The following TCF7 variants were observed in gnomAD, a reference collection of about 807,000 sequenced individuals.
The protein encoded by TCF7 is T-cell-factor-7.
Under a neutral mutation model 46.8 loss-of-function variants are expected in TCF7, and 19 were observed. The observed-to-expected ratio is 0.41, with a 90% confidence interval of 0.28 to 0.60. The LOEUF (loss-of-function observed/expected upper bound fraction) is 0.60, where lower values mean the gene tolerates loss of function less well. Among genes scored for constraint, TCF7 ranks in the 20% least tolerant of loss-of-function variants. The pLI, the probability that TCF7 is intolerant of heterozygous loss-of-function variation, is 0.35. For missense variants in TCF7, 547 were observed against 504.6 expected (o/e 1.08, Z -0.81); for synonymous variants, 245 against 213.4 (o/e 1.15, Z -1.29).
chr5:134,120,382 A>T (rs893908640), intron 3 of TCF7, among the ~76,000 whole-genome samples: 1 of 152,108 alleles, frequency 6.6e-6, no homozygotes, highest in African/African-American at 2.4e-5. Context: ...CTCTCACCTG[A>T]TGAGACCCCG....
intron 3 of TCF7, among the ~76,000 whole-genome samples, chr5:134,116,785 G>A (rs1471782139): frequency 5.3e-5 from 8 of 152,282 alleles, no homozygotes; most frequent in African/African-American, 1.9e-4. Flanking sequence ...CCTATTCTGA[G>A]TGTTTTGGAG....
chr5:134,144,950 C>A, intron 9 of TCF7: 1 of 1,302,806 alleles, frequency 7.7e-7, no homozygotes, highest in Non-Finnish European at 1.1e-6. Context: ...GGCCTGCAGC[C>A]CACTCCTTTG....
chr5:134,140,817 C>A (rs559653800), intron 5 of TCF7: 3 of 455,762 alleles, frequency 6.6e-6, no homozygotes, highest in Middle Eastern at 3.3e-4. Flanking sequence ...CTCTCTACCC[C>A]CTGTCCCCTT....
chr5:134,127,897 C>T (rs1287208708), intron 3 of TCF7, among the ~76,000 whole-genome samples: 1 of 152,204 alleles, frequency 6.6e-6, no homozygotes, highest in Admixed American at 6.5e-5. Context: ...TGATTTTTCT[C>T]CTTTTGTTTC....
intron 9 of TCF7, chr5:134,144,673 T>TG: frequency 1.4e-6 from 1 of 716,956 alleles, no homozygotes; most frequent in Non-Finnish European, 2.5e-6. Context: ...ACTCTGCCTA[T>TG]GGGGGCTGTA....
At chr5:134,117,386 C>T (rs1027582918) in intron 3 of TCF7, among the ~76,000 whole-genome samples, 1 of 152,162 alleles carries the variant, frequency 6.6e-6, no homozygotes, top group East Asian at 1.9e-4. Context: ...GTAAATAAAC[C>T]CTTAGATTTG....
At chr5:134,145,664 C>G in intron 9 of TCF7, 16 of 1,476,728 alleles carry the variant, frequency 1.1e-5, no homozygotes, top group Non-Finnish European at 1.5e-5. Flanking sequence ...TGGGGTGTGT[C>G]TGTGTATCCA....
chr5:134,145,109 A>G, intron 9 of TCF7: 1 of 643,342 alleles, frequency 1.6e-6, no homozygotes, highest in Non-Finnish European at 2.9e-6. Flanking sequence ...CCAGAAAGGA[A>G]GGACAGACTC....
At chr5:134,143,803 C>T in intron 9 of TCF7, 163 bp downstream of exon 9, 1 of 718,472 alleles carries the variant, frequency 1.4e-6, no homozygotes, top group Non-Finnish European at 2.3e-6. Context: ...AATTCCCATG[C>T]AAGAAACAGC....
chr5:134,142,407 G>C lies in TCF7; in HGVS notation c.755+103G>C, dbSNP rs552144797. 10 of 1,341,576 alleles carry C rather than the reference G, an allele frequency of 7.5e-6. No individual in the cohort carries two copies. The African/African-American group carries it at 1.3e-4, about 18-fold the overall frequency. 83.1% of individuals were successfully genotyped at this position (1,341,576 alleles called of 1,614,324 possible). ...ACGAGGTCCCTGCCTAAGCTGTTTC[G>C]TGCCTCTGGCTATGTTTTTGATCCT... On this transcript the variant is annotated intron_variant, in intron 6 of 9. Transcript: ENST00000342854.
In TCF7 at chr5:134,115,351, C is replaced by T. The variant is rs1755654246; in HGVS notation, c.280C>T (p.Leu94Phe). 1.9e-6 allele frequency: 3 copies of T among 1,601,926 alleles called. No homozygotes were observed. The highest frequency in any genetic ancestry group is 1.3e-5 in the African/African-American group (1 of 74,662). ...ALGREHAAQR[L>F]FPDKLPEPLE... ...CGGGCGGGAACACGCTGCGCAGAGA[C>T]TCTTCCCGGACAAACTTCCAGAGCC... is the stretch of plus-strand genomic sequence containing the variant. The change falls in exon 2 of 10, where the codon CTC (leucine) becomes TTC (phenylalanine). Residue 94 changes from leucine to phenylalanine, a missense_variant. Coordinates refer to ENST00000342854, the MANE Select transcript of TCF7 (RefSeq NM_003202.5).
intron 3 of TCF7, among the ~76,000 whole-genome samples, chr5:134,130,445 G>A (rs1472844608): frequency 6.6e-6 from 1 of 152,282 alleles, no homozygotes; most frequent in Non-Finnish European, 1.5e-5. Flanking sequence ...CGGAGGGGCT[G>A]TGCCAGGGGA....
At chr5:134,125,984 C>T (rs1757295747) in intron 3 of TCF7, among the ~76,000 whole-genome samples, 1 of 152,242 alleles carries the variant, frequency 6.6e-6, no homozygotes, top group Non-Finnish European at 1.5e-5. Context: ...CTGGGGGAAG[C>T]TTTGTAGCTA....
chr5:134,113,118 C>G (rs566082516), upstream of TCF7, among the ~76,000 whole-genome samples: 4 of 152,284 alleles, frequency 2.6e-5, no homozygotes, highest in Admixed American at 6.5e-5. Flanking sequence ...CAGGGCCGAG[C>G]CCCCCCTTCC....
upstream of TCF7, among the ~76,000 whole-genome samples, chr5:134,109,954 GCA>G (rs377380246): frequency 3.7e-4 from 56 of 152,268 alleles, no homozygotes; most frequent in African/African-American, 1.3e-3. Flanking sequence ...CTAGGACCTG[GCA>G]CACAGTGGCC....
intron 3 of TCF7, among the ~76,000 whole-genome samples, chr5:134,126,243 C>T (rs1227688493): frequency 5.3e-5 from 8 of 152,166 alleles, no homozygotes; most frequent in African/African-American, 1.2e-4. Flanking sequence ...CCACCGAGTG[C>T]GTGCCTGGCT....
In TCF7 at chr5:134,127,702, TTTC is replaced by T. The variant is rs1326081185; in HGVS notation, c.442-10349_442-10347del. On this transcript the variant is annotated intron_variant, in intron 3 of 9. Coordinates refer to ENST00000342854, the MANE Select transcript of TCF7 (RefSeq NM_003202.5). Reference sequence around the variant, plus strand: ...CCCCACTGGGGCACGTTGAGGGCAGTTTCTTCTTCTCTCGCTGCCCCGCCGCCT... The same window carrying T: ...CCCCACTGGGGCACGTTGAGGGCAGTTTCTTCTCTCGCTGCCCCGCCGCCT... Among the ~76,000 whole-genome samples, 7 of 152,246 alleles carry T rather than the reference TTTC, an allele frequency of 4.6e-5. No individual in the cohort carries two copies. In the East Asian group the frequency reaches 1.3e-3, roughly 29 times the overall value.
At chr5:134,144,775 C>T (rs903751531) in intron 9 of TCF7, 3 of 1,609,970 alleles carry the variant, frequency 1.9e-6, no homozygotes, top group South Asian at 1.1e-5. Context: ...CTGCTCTACC[C>T]CTCTGGCATG....
intron 3 of TCF7, among the ~76,000 whole-genome samples, chr5:134,120,719 T>C (rs1487911585): frequency 2.0e-5 from 3 of 152,340 alleles, no homozygotes; most frequent in Non-Finnish European, 4.4e-5. Context: ...CCTCATCCCT[T>C]GGCTCCAGCT....
Sources: gnomAD v4.1 joint callset for allele counts (sites outside exome capture counted in the v4.1 genomes callset) on GRCh38, gnomAD v4.1.1 for gene constraint, MANE v1.5 for transcripts, NCBI Gene and HGNC (gene_info 2026-07-23, HGNC 2026-07-21) for gene names.